The following PLXNA4 variants were observed in gnomAD, a reference collection of about 807,000 sequenced individuals.
PLXNA4 encodes plexin A4, also known as plexin-A4.
Under a neutral mutation model 191.8 loss-of-function variants are expected in PLXNA4, and 44 were observed. That is an observed-to-expected ratio of 0.23 (90% CI 0.18 to 0.29). PLXNA4 has a LOEUF of 0.29. Among genes scored for constraint, PLXNA4 ranks in the 10% least tolerant of loss-of-function variants. PLXNA4 has a pLI of 1.00. For missense variants in PLXNA4, 1,800 were observed against 2,488.8 expected, an observed-to-expected ratio of 0.72 and a Z score of 5.89; for synonymous variants, 1,082 against 1,009.5, an observed-to-expected ratio of 1.07 and a Z score of -1.36.
intron 21 of PLXNA4, among the ~76,000 whole-genome samples, chr7:132,171,697 A>G (rs1172054417): frequency 6.6e-6 from 1 of 152,152 alleles, no homozygotes; most frequent in Non-Finnish European, 1.5e-5. Flanking sequence ...CTGGGAAGGA[A>G]GATTTTAGCA....
intron 3 of PLXNA4, among the ~76,000 whole-genome samples, chr7:132,370,435 C>T (rs976553350): frequency 1.1e-4 from 17 of 152,214 alleles, no homozygotes; most frequent in African/African-American, 1.7e-4. Flanking sequence ...ATGTCCAGCC[C>T]ACAGCCTTTG....
intron 4 of PLXNA4, among the ~76,000 whole-genome samples, chr7:132,284,372 G>A (rs981962146): frequency 2.0e-5 from 3 of 152,198 alleles, no homozygotes; most frequent in African/African-American, 4.8e-5. Flanking sequence ...TCTCCTACAC[G>A]TGTCATGCTT....
intron 4 of PLXNA4, among the ~76,000 whole-genome samples, chr7:132,262,275 C>T (rs1313133339): frequency 1.3e-5 from 2 of 152,184 alleles, no homozygotes; most frequent in Non-Finnish European, 2.9e-5. Context: ...TCTCCCTCTG[C>T]CTTGCCGCTC....
chr7:132,325,927 T>G (rs6950583), intron 3 of PLXNA4, among the ~76,000 whole-genome samples: 74,507 of 152,054 alleles, frequency 0.49, 20,578 homozygotes, highest in East Asian at 0.76. Flanking sequence ...ACAGTAGCCC[T>G]TCCTACCCAC....
At chr7:132,527,920 T>C (rs553848675) in intron 1 of PLXNA4, among the ~76,000 whole-genome samples, 24 of 152,288 alleles carry the variant, frequency 1.6e-4, no homozygotes, top group African/African-American at 5.8e-4. Context: ...GGTGACCTTC[T>C]GAGAGTTAAT....
chr7:132,273,323 A>AAC lies in PLXNA4; in HGVS notation c.1503+24766_1503+24767dup, dbSNP rs749633900. ...TTTAATTCATGCCTCATTGGTTTTC[A>AAC]ACACACACACACACACACGCACACA... On this transcript the variant is annotated intron_variant, in intron 4 of 31. Coordinates refer to ENST00000321063, the MANE Select transcript of PLXNA4 (RefSeq NM_020911.2). Among the ~76,000 whole-genome samples the AAC allele has an allele frequency of 7.9e-3, 1,184 of 149,698 alleles. 12 individuals carry two copies. The highest frequency in any genetic ancestry group is 0.019 in the African/African-American group (780 of 40,342).
intron 3 of PLXNA4, among the ~76,000 whole-genome samples, chr7:132,407,298 T>A (rs143821221): frequency 2.6e-5 from 4 of 152,246 alleles, no homozygotes; most frequent in African/African-American, 9.6e-5. Flanking sequence ...CTGATGTGGA[T>A]CATCATAGTA....
intron 29 of PLXNA4, among the ~76,000 whole-genome samples, chr7:132,143,696 A>T (rs189603181): frequency 6.6e-6 from 1 of 152,348 alleles, no homozygotes; most frequent in East Asian, 1.9e-4. Context: ...AGTTAAACGC[A>T]TCTTACCTAA....
intron 3 of PLXNA4, among the ~76,000 whole-genome samples, chr7:132,327,187 G>GAAAAAAT: frequency 7.0e-6 from 1 of 143,336 alleles, no homozygotes. Flanking sequence ...AAAGAAAAAA[G>GAAAAAAT]AAAGGGAGGG....
chr7:132,550,319 G>A (rs1313607465), intron 1 of PLXNA4, among the ~76,000 whole-genome samples: 4 of 152,194 alleles, frequency 2.6e-5, no homozygotes, highest in Non-Finnish European at 5.9e-5. Context: ...TGCCTACAGT[G>A]GCTACCTTTT....
At chr7:132,283,816 C>T (rs1400369169) in intron 4 of PLXNA4, among the ~76,000 whole-genome samples, 1 of 152,200 alleles carries the variant, frequency 6.6e-6, no homozygotes, top group African/African-American at 2.4e-5. Flanking sequence ...TCACTCATAG[C>T]TCAGAGATTC....
intron 3 of PLXNA4, chr7:132,384,590 T>C (rs1054492758): frequency 3.0e-6 from 3 of 989,828 alleles, no homozygotes; most frequent in South Asian, 4.6e-5. Context: ...TTTGCACATA[T>C]GATCAGCTCA....
intron 1 of PLXNA4, among the ~76,000 whole-genome samples, chr7:132,541,857 T>A (rs942700589): frequency 2.0e-5 from 3 of 152,216 alleles, no homozygotes; most frequent in African/African-American, 7.2e-5. Flanking sequence ...ATTTAAGGCA[T>A]CTCAGGGACA....
chr7:132,534,378 GCA>G (rs1167195606), intron 1 of PLXNA4, among the ~76,000 whole-genome samples: 1 of 152,114 alleles, frequency 6.6e-6, no homozygotes, highest in Non-Finnish European at 1.5e-5. Flanking sequence ...CCATGAAACA[GCA>G]GCAACTTCCA....
chr7:132,188,883 G>A (rs1197666299), intron 14 of PLXNA4, among the ~76,000 whole-genome samples: 1 of 150,374 alleles, frequency 6.7e-6, no homozygotes, highest in African/African-American at 2.4e-5. Flanking sequence ...CTCTTGTTCT[G>A]TAACTTGCAG....
chr7:132,563,813 TCC>T, intron 1 of PLXNA4, among the ~76,000 whole-genome samples: 1 of 83,616 alleles, frequency 1.2e-5, no homozygotes, highest in Non-Finnish European at 2.5e-5. Flanking sequence ...CTTCTCCTCC[TCC>T]TTCTCCTCCT....
intron 3 of PLXNA4, among the ~76,000 whole-genome samples, chr7:132,436,867 T>C (rs780452794): frequency 6.6e-6 from 1 of 152,184 alleles, no homozygotes; most frequent in Non-Finnish European, 1.5e-5. Context: ...ACAGCTGCTA[T>C]ACCCCACTCA....
chr7:132,627,718 T>C (rs1373105241), intron 2 of PLXNA4, among the ~76,000 whole-genome samples: 3 of 152,180 alleles, frequency 2.0e-5, no homozygotes, highest in Admixed American at 6.5e-5. Context: ...AGTATTTGCT[T>C]CTTCCACCAT....
chr7:132,131,588 G>T (rs1261584798), intron 31 of PLXNA4, among the ~76,000 whole-genome samples: 3 of 152,234 alleles, frequency 2.0e-5, no homozygotes, highest in African/African-American at 7.2e-5. Context: ...TGTTTCTTTA[G>T]TTGTGGAAGC....
Sources: gnomAD v4.1 joint callset for allele counts (sites outside exome capture counted in the v4.1 genomes callset) on GRCh38, gnomAD v4.1.1 for gene constraint, MANE v1.5 for transcripts, NCBI Gene and HGNC (gene_info 2026-07-23, HGNC 2026-07-21) for gene names.